The following VPS13B variants were observed in gnomAD, a reference collection of about 807,000 sequenced individuals.
VPS13B encodes the protein vacuolar protein sorting 13 homolog B, also known as intermembrane lipid transfer protein VPS13B.
VPS13B carries 285 observed loss-of-function variants against 426.4 expected under a neutral mutation model. That is an observed-to-expected ratio of 0.67 (90% CI 0.61 to 0.74). VPS13B has a LOEUF of 0.74. VPS13B is among the 30% of genes least tolerant of loss of function. The pLI is 0.00. For missense variants in VPS13B, 4,537 were observed against 4,782.6 expected (o/e 0.95, Z 1.51); for synonymous variants, 1,676 against 1,676.4 (o/e 1.00, Z 0.01).
rs758612078 is a variant in VPS13B at position 99,494,815 on chromosome 8, G to A, written c.3871-6872G>A. On this transcript the variant is annotated intron_variant, in intron 25 of 61. Transcript: ENST00000357162. ...TCTTTTTATAATTTTCTTCTCAAGG[G>A]AAACCTCTAACATTCTTTTGGCTGT... Among the ~76,000 whole-genome samples the A allele has an allele frequency of 1.2e-3, 178 of 151,956 alleles. 1 individual carries two copies. Among genetic ancestry groups the A allele is most frequent in the South Asian group, 2.5e-3 (12 of 4,826 alleles).
chr8:99,797,494 GCATAATGTTGGAT>G (rs1474808339), intron 43 of VPS13B, among the ~76,000 whole-genome samples: 1 of 152,104 alleles, frequency 6.6e-6, no homozygotes, highest in East Asian at 1.9e-4. Context: ...ACTGTTCTTT[GCATAATGTTGGAT>G]ACTTTTGTAT....
intron 19 of VPS13B, among the ~76,000 whole-genome samples, chr8:99,277,412 A>G (rs1818953592): frequency 6.6e-6 from 1 of 152,114 alleles, no homozygotes; most frequent in Non-Finnish European, 1.5e-5. Context: ...AGAGCTCATA[A>G]GTACTATTTT....
intron 23 of VPS13B, among the ~76,000 whole-genome samples, chr8:99,452,504 A>T (rs1253560632): frequency 1.3e-5 from 2 of 152,180 alleles, no homozygotes; most frequent in African/African-American, 4.8e-5. Context: ...CTCACTGTAC[A>T]TTCTCAGGCC....
chr8:99,576,195 A>G (rs551142076), intron 32 of VPS13B, among the ~76,000 whole-genome samples: 3 of 152,152 alleles, frequency 2.0e-5, no homozygotes, highest in Non-Finnish European at 2.9e-5. Flanking sequence ...AAAGTTCTAT[A>G]AAAATGAAAA....
intron 43 of VPS13B, among the ~76,000 whole-genome samples, chr8:99,808,522 A>T (rs1346708189): frequency 2.6e-5 from 4 of 151,964 alleles, no homozygotes; most frequent in Admixed American, 6.6e-5. Context: ...AAAAAAAAAA[A>T]AAAAAAGTCA....
intron 35 of VPS13B, among the ~76,000 whole-genome samples, chr8:99,695,714 T>C (rs906288748): frequency 1.3e-4 from 14 of 111,976 alleles, no homozygotes; most frequent in African/African-American, 2.8e-4. Flanking sequence ...AAAAAAAAAC[T>C]CCATACCAAG....
At chr8:99,533,411 C>T (rs939021438) in intron 30 of VPS13B, among the ~76,000 whole-genome samples, 9 of 152,128 alleles carry the variant, frequency 5.9e-5, no homozygotes, top group African/African-American at 2.2e-4. Context: ...AATTTTTAAA[C>T]TCCAAATTCA....
intron 44 of VPS13B, among the ~76,000 whole-genome samples, chr8:99,812,200 A>G (rs1421422771): frequency 6.6e-6 from 1 of 152,172 alleles, no homozygotes; most frequent in Admixed American, 6.5e-5. Flanking sequence ...CACACCCACA[A>G]GCAAAAATGT....
intron 5 of VPS13B, among the ~76,000 whole-genome samples, chr8:99,105,897 A>G (rs1847019012): frequency 6.6e-6 from 1 of 152,068 alleles, no homozygotes; most frequent in Non-Finnish European, 1.5e-5. Context: ...TTGCCAGTGT[A>G]CTCTTCAGAA....
At position 99,685,642 on chromosome 8, in the gene VPS13B, C is replaced by T. The variant is rs185890297; in HGVS notation, c.6047-13883C>T. Among the ~76,000 whole-genome samples the T allele has an allele frequency of 4.6e-3, 702 of 152,264 alleles. 5 individuals are homozygous for T. The highest frequency in any genetic ancestry group is 0.016 in the African/African-American group (656 of 41,550). On this transcript the variant is annotated intron_variant, in intron 35 of 61. Coordinates refer to ENST00000357162, the MANE Select transcript of VPS13B (RefSeq NM_152564.5). ...ATTCTGCTGTTAAGAGACTCTGATG[C>T]ATTCTTCAGTATATCAGTTGCATTT...
chr8:99,015,844 A>C, intron 2 of VPS13B, among the ~76,000 whole-genome samples: 1 of 152,102 alleles, frequency 6.6e-6, no homozygotes, highest in East Asian at 1.9e-4. Context: ...TGGAGGTTGC[A>C]GTGAGCCGAG....
intron 39 of VPS13B, among the ~76,000 whole-genome samples, chr8:99,754,479 A>G (rs1810543794): frequency 6.6e-6 from 1 of 152,184 alleles, no homozygotes; most frequent in South Asian, 2.1e-4. Flanking sequence ...ACCTCCCATT[A>G]TTGTACAAAG....
Position 99,808,257 on chromosome 8 carries a change from A to G in VPS13B, c.7942-1118A>G, listed in dbSNP as rs1182308670. Among the ~76,000 whole-genome samples, 3 of 152,212 alleles carry G rather than the reference A, an allele frequency of 2.0e-5. No individual in the cohort carries two copies. In the East Asian group the frequency reaches 5.8e-4, roughly 29 times the overall value. ...AGTTTTCAGCCAGGTGCAGTGGCTC[A>G]CGCCTGTAATCCTAGCACTTTGGGA... is the stretch of plus-strand genomic sequence containing the variant. On this transcript the variant is annotated intron_variant, in intron 43 of 61. Coordinates refer to ENST00000357162, the MANE Select transcript of VPS13B (RefSeq NM_152564.5).
intron 19 of VPS13B, among the ~76,000 whole-genome samples, chr8:99,288,908 C>T (rs1225623621): frequency 6.6e-6 from 1 of 151,802 alleles, no homozygotes; most frequent in Admixed American, 6.6e-5. Flanking sequence ...AGTTAAACTC[C>T]AAGTTCAGCT....
intron 21 of VPS13B, among the ~76,000 whole-genome samples, chr8:99,425,414 T>C (rs978097402): frequency 6.6e-6 from 1 of 152,034 alleles, no homozygotes; most frequent in African/African-American, 2.4e-5. Flanking sequence ...GTTCAACATA[T>C]GCAAGTCAAT....
At chr8:99,376,033 G>A (rs985905953) in intron 19 of VPS13B, among the ~76,000 whole-genome samples, 2 of 152,286 alleles carry the variant, frequency 1.3e-5, no homozygotes, top group African/African-American at 2.4e-5. Flanking sequence ...ATTCTTCAGC[G>A]TAGGGTGTAA....
intron 35 of VPS13B, among the ~76,000 whole-genome samples, chr8:99,683,126 T>C (rs1831223362): frequency 6.6e-6 from 1 of 152,238 alleles, no homozygotes; most frequent in Admixed American, 6.5e-5. Flanking sequence ...CCTTTCTCCA[T>C]TGAACTGTCT....
At chr8:99,312,787 C>T (rs1406504730) in intron 19 of VPS13B, among the ~76,000 whole-genome samples, 3 of 152,156 alleles carry the variant, frequency 2.0e-5, no homozygotes, top group Non-Finnish European at 2.9e-5. Context: ...CCATTCTCCC[C>T]GTCACTTTCA....
rs1430426244 is a variant in VPS13B at position 99,492,389 on chromosome 8, A to G, written c.3871-9298A>G. Among the ~76,000 whole-genome samples the G allele has an allele frequency of 3.3e-5, 5 of 151,768 alleles. No homozygotes were observed. In the South Asian group the frequency reaches 8.4e-4, roughly 25 times the overall value. The stretch of plus-strand genomic sequence containing the variant: ...TGAATGACATGCTGAGAGAACCACC[A>G]CTCTCTTTAGAGCTGTCAGACAGGG... On this transcript the variant is annotated intron_variant, in intron 25 of 61. Coordinates refer to ENST00000357162, the MANE Select transcript of VPS13B (RefSeq NM_152564.5).
Sources: gnomAD v4.1 joint callset for allele counts (sites outside exome capture counted in the v4.1 genomes callset) on GRCh38, gnomAD v4.1.1 for gene constraint, MANE v1.5 for transcripts, NCBI Gene and HGNC (gene_info 2026-07-23, HGNC 2026-07-21) for gene names.